TDRD3: variants seen among roughly 807,000 people sequenced by gnomAD.
TDRD3 encodes the protein tudor domain-containing protein 3.
A neutral mutation model predicts 86.7 loss-of-function variants in TDRD3; 45 were observed. That is an observed-to-expected ratio of 0.52 (90% CI 0.41 to 0.67). The LOEUF is 0.67. TDRD3 is among the 30% of genes least tolerant of loss of function. TDRD3 has a pLI of 0.00. For missense variants in TDRD3, 814 were observed against 889.0 expected (o/e 0.92, Z 1.07); for synonymous variants, 298 against 301.7 (o/e 0.99, Z 0.13).
chr13:60,568,057 A>C (rs1958506072), intron 13 of TDRD3, among the ~76,000 whole-genome samples: 1 of 152,160 alleles, frequency 6.6e-6, no homozygotes, highest in African/African-American at 2.4e-5. Flanking sequence ...TAGAAAATTT[A>C]AAATTACATA....
chr13:60,455,651 A>G (rs2138030719), intron 3 of TDRD3, among the ~76,000 whole-genome samples: 1 of 152,318 alleles, frequency 6.6e-6, no homozygotes, highest in Non-Finnish European at 1.5e-5. Flanking sequence ...ATTGATTGGA[A>G]CTGAATCACA....
chr13:60,530,314 C>A (rs1957551458), intron 11 of TDRD3, among the ~76,000 whole-genome samples: 1 of 152,006 alleles, frequency 6.6e-6, no homozygotes, highest in African/African-American at 2.4e-5. Flanking sequence ...AGAGCAATTA[C>A]ATATGAGAAA....
intron 12 of TDRD3, among the ~76,000 whole-genome samples, chr13:60,544,841 A>T (rs1398608612): frequency 1.3e-5 from 2 of 152,182 alleles, no homozygotes; most frequent in Non-Finnish European, 2.9e-5. Context: ...AATAATCAAT[A>T]GATGTATACT....
chr13:60,482,517 T>C (rs1452587227), intron 5 of TDRD3, among the ~76,000 whole-genome samples: 1 of 152,188 alleles, frequency 6.6e-6, no homozygotes, highest in Non-Finnish European at 1.5e-5. Context: ...ATGGTATTAT[T>C]TGCAATTCAT....
At position 60,555,522 on chromosome 13, in the gene TDRD3, G is replaced by C. The variant is rs1280499732; in HGVS notation, c.2119-12003G>C. On this transcript the variant is annotated intron_variant, in intron 12 of 13. Coordinates refer to ENST00000377881, the MANE Select transcript of TDRD3 (RefSeq NM_001146070.2). ...CCTAAAATCTTTGAGCTAGTAAGTT[G>C]CAGAGCTGATAGTCAGGTTTAGGAC... 6.6e-5 allele frequency among the ~76,000 whole-genome samples: 10 copies of C among 152,232 alleles called. No individual in the cohort carries two copies. In the East Asian group the frequency reaches 1.9e-3, roughly 29 times the overall value.
intron 5 of TDRD3, among the ~76,000 whole-genome samples, chr13:60,477,032 G>GTCA (rs1354459075): frequency 6.6e-6 from 1 of 151,478 alleles, no homozygotes; most frequent in East Asian, 1.9e-4. Context: ...TTATTTGGAT[G>GTCA]TCATATATTT....
chr13:60,432,853 T>G (rs1954989937), intron 1 of TDRD3, among the ~76,000 whole-genome samples: 1 of 152,162 alleles, frequency 6.6e-6, no homozygotes, highest in African/African-American at 2.4e-5. Context: ...AAGAATTCAT[T>G]TATCAAACTC....
chr13:60,520,766 A>G (rs946244068), intron 10 of TDRD3, among the ~76,000 whole-genome samples: 1 of 152,200 alleles, frequency 6.6e-6, no homozygotes, highest in Non-Finnish European at 1.5e-5. Flanking sequence ...AACTATGATG[A>G]GTAACAGTGA....
At chr13:60,550,329 G>A (rs1317714481) in intron 12 of TDRD3, among the ~76,000 whole-genome samples, 1 of 152,098 alleles carries the variant, frequency 6.6e-6, no homozygotes, top group African/African-American at 2.4e-5. Context: ...CTAAGCCTTT[G>A]AGGATAAATG....
At position 60,564,727 on chromosome 13, in the gene TDRD3, A is replaced by AT. The variant is rs1463927188; in HGVS notation, c.2119-2791dup. 7.9e-5 allele frequency among the ~76,000 whole-genome samples: 12 copies of AT among 152,292 alleles called. No homozygotes were observed. The South Asian group carries it at 2.3e-3, about 29-fold the overall frequency. On this transcript the variant is annotated intron_variant, in intron 12 of 13. Transcript: ENST00000377881. ...GTTTGTAAACTATGAAATTAAAATT[A>AT]TTTTTTTGAGTTGTAAATCTCTTAC...
intron 3 of TDRD3, 55 bp downstream of exon 3, chr13:60,444,803 A>C: frequency 9.6e-7 from 1 of 1,038,492 alleles, no homozygotes; most frequent in Non-Finnish European, 1.4e-6. Flanking sequence ...ATAAATATGA[A>C]CTAAATTACT....
intron 8 of TDRD3, chr13:60,509,518 A>AT (rs1252502350): frequency 7.0e-6 from 3 of 430,460 alleles, no homozygotes; most frequent in Non-Finnish European, 1.3e-5. Flanking sequence ...CATAAAATTT[A>AT]TTTTTTGTGT....
intron 5 of TDRD3, 77 bp downstream of exon 5, chr13:60,467,456 A>G: frequency 6.6e-7 from 1 of 1,505,376 alleles, no homozygotes; most frequent in Non-Finnish European, 9.0e-7. Flanking sequence ...TTCAATAATG[A>G]GTAAAATTAG....
chr13:60,549,580 G>GT (rs1277794063), intron 12 of TDRD3, among the ~76,000 whole-genome samples: 1 of 152,104 alleles, frequency 6.6e-6, no homozygotes, highest in South Asian at 2.1e-4. Flanking sequence ...AGACACGTGT[G>GT]TGTGTGCACG....
chr13:60,546,539 A>G (rs768603967), intron 12 of TDRD3, among the ~76,000 whole-genome samples: 3 of 152,266 alleles, frequency 2.0e-5, no homozygotes, highest in East Asian at 1.9e-4. Flanking sequence ...ACACTTTCCT[A>G]TTTATTGAAA....
intron 12 of TDRD3, among the ~76,000 whole-genome samples, chr13:60,548,722 T>A (rs964674526): frequency 6.6e-6 from 1 of 152,158 alleles, no homozygotes; most frequent in South Asian, 2.1e-4. Context: ...TACCAATTAG[T>A]GGAAAAAATG....
At chr13:60,397,757 G>C (rs553936167) in intron 1 of TDRD3, among the ~76,000 whole-genome samples, 1 of 151,822 alleles carries the variant, frequency 6.6e-6, no homozygotes, top group East Asian at 1.9e-4. Context: ...CGCCGTCCGC[G>C]CGGCTTCTCC....
rs565490900 is a variant in TDRD3, at chr13:60,557,856, G to A, written c.2119-9669G>A. ...TTTTTTTTTTTTGAGACAGAGTCTC[G>A]CTCTGTCACCAGGCTGGAGTGCAGT... On this transcript the variant is annotated intron_variant, in intron 12 of 13. Coordinates refer to ENST00000377881, the MANE Select transcript of TDRD3 (RefSeq NM_001146070.2). 1.5e-4 allele frequency among the ~76,000 whole-genome samples: 15 copies of A among 100,956 alleles called. No individual in the cohort carries two copies. The South Asian group carries it at 4.0e-3, about 27-fold the overall frequency. 66.2% of individuals were successfully genotyped at this position (100,956 alleles called of 152,430 possible).
At chr13:60,560,535 A>T (rs566867612) in intron 12 of TDRD3, among the ~76,000 whole-genome samples, 1 of 152,068 alleles carries the variant, frequency 6.6e-6, no homozygotes, top group African/African-American at 2.4e-5. Context: ...GCTTATTTAC[A>T]TTATATTAAT....
Sources: gnomAD v4.1 joint callset for allele counts (sites outside exome capture counted in the v4.1 genomes callset) on GRCh38, gnomAD v4.1.1 for gene constraint, MANE v1.5 for transcripts, NCBI Gene and HGNC (gene_info 2026-07-23, HGNC 2026-07-21) for gene names.